DNAH14: variants seen among roughly 807,000 people sequenced by gnomAD.
DNAH14 encodes the protein axonemal beta dynein heavy chain 14.
In DNAH14, 478 loss-of-function variants were observed where a neutral mutation model predicts 520.9. The observed-to-expected ratio is 0.92, with a 90% CI of 0.85 to 0.99. The LOEUF (loss-of-function observed/expected upper bound fraction) is 0.99, where lower values mean the gene tolerates loss of function less well. Ranked by LOEUF, DNAH14 falls within the 50% of genes least tolerant of loss-of-function variation. The pLI is 0.00. For missense variants in DNAH14, 4,831 were observed against 5,234.5 expected (o/e 0.92, Z 2.38); for synonymous variants, 1,581 against 1,757.2 (o/e 0.90, Z 2.51).
At chr1:225,108,094 G>C (rs576660600) in intron 23 of DNAH14, among the ~76,000 whole-genome samples, 10 of 152,286 alleles carry the variant, frequency 6.6e-5, no homozygotes, top group Non-Finnish European at 1.5e-5. Context: ...TACCAGTGCT[G>C]CTAGGATAAA....
At chr1:225,101,617 T>G (rs2075465366) in intron 23 of DNAH14, among the ~76,000 whole-genome samples, 1 of 152,188 alleles carries the variant, frequency 6.6e-6, no homozygotes, top group South Asian at 2.1e-4. Context: ...GAACTTTGTG[T>G]TTTTGTGCCT....
intron 17 of DNAH14, among the ~76,000 whole-genome samples, chr1:225,054,655 T>G (rs1448604222): frequency 6.6e-6 from 1 of 152,152 alleles, no homozygotes; most frequent in Non-Finnish European, 1.5e-5. Flanking sequence ...TTTTCCTACA[T>G]ATAGTTAGCT....
chr1:225,165,578 G>T (rs1285526792), intron 35 of DNAH14, among the ~76,000 whole-genome samples: 7 of 149,694 alleles, frequency 4.7e-5, no homozygotes, highest in Non-Finnish European at 8.9e-5. Flanking sequence ...TGTTTGGTTG[G>T]TTGGTTGGTT....
intron 55 of DNAH14, among the ~76,000 whole-genome samples, chr1:225,294,454 A>G (rs1214229051): frequency 1.3e-5 from 2 of 152,154 alleles, no homozygotes; most frequent in Non-Finnish European, 2.9e-5. Flanking sequence ...GACCTCATAG[A>G]ATGAGTAAGG....
At chr1:225,258,689 T>C (rs2092825504) in intron 45 of DNAH14, among the ~76,000 whole-genome samples, 1 of 152,172 alleles carries the variant, frequency 6.6e-6, no homozygotes, top group African/African-American at 2.4e-5. Context: ...CCTCTAATTT[T>C]GTCTAAGAAA....
intron 43 of DNAH14, among the ~76,000 whole-genome samples, chr1:225,249,442 A>G (rs915232238): frequency 1.3e-5 from 2 of 152,142 alleles, no homozygotes; most frequent in Admixed American, 1.3e-4. Context: ...TTTGGGATGG[A>G]CAGTAATAAA....
intron 41 of DNAH14, among the ~76,000 whole-genome samples, chr1:225,210,482 C>T (rs753289106): frequency 6.6e-5 from 10 of 152,202 alleles, no homozygotes; most frequent in Non-Finnish European, 1.5e-4. Flanking sequence ...CTGGGCAGGG[C>T]ATTTCTGAAA....
At chr1:225,277,724 CTG>C (rs1468848370) in intron 54 of DNAH14, among the ~76,000 whole-genome samples, 6 of 152,178 alleles carry the variant, frequency 3.9e-5, no homozygotes, top group African/African-American at 1.4e-4. Flanking sequence ...GTGAATAAAA[CTG>C]CACCATTTCT....
At chr1:225,275,186 A>G (rs1347875019) in intron 52 of DNAH14, among the ~76,000 whole-genome samples, 1 of 152,204 alleles carries the variant, frequency 6.6e-6, no homozygotes, top group Non-Finnish European at 1.5e-5. Flanking sequence ...GCCATTTGCG[A>G]AACAAACATC....
In DNAH14 at chr1:225,337,341, C is replaced by T; in HGVS notation, c.10156C>T (p.Gln3386Ter). 6.4e-7 allele frequency: 1 copy of T among 1,551,614 alleles called. No homozygotes were observed. Among genetic ancestry groups the T allele is most frequent in the African/African-American group, 1.4e-5 (1 of 73,120 alleles). ...GAATGCCATCTTGATCAAGAATGGC[C>T]AGCAGTGGCCACTGCTGATTGACCC... ...VENAILIKNG[Q>*]QWPLLIDPHR... Residue 3386 changes from glutamine (Q) to a stop codon, truncating the protein, a stop_gained, in exon 67 of 86, where the codon CAG becomes TAG. Transcript: ENST00000682510. LOFTEE classifies it high-confidence loss of function.
At chr1:225,075,143 G>A (rs1050755601) in intron 17 of DNAH14, among the ~76,000 whole-genome samples, 3 of 152,180 alleles carry the variant, frequency 2.0e-5, no homozygotes, top group Admixed American at 2.0e-4. Context: ...GGGTTCACAA[G>A]GGGTTCTCCT....
chr1:224,950,176 T>A (rs1385247738), intron 1 of DNAH14, among the ~76,000 whole-genome samples: 1 of 152,198 alleles, frequency 6.6e-6, no homozygotes, highest in Non-Finnish European at 1.5e-5. Context: ...AAAATTTTGT[T>A]CTGTGTTCAT....
chr1:225,335,339 ATGTGTG>A, intron 66 of DNAH14, among the ~76,000 whole-genome samples: 1 of 86,726 alleles, frequency 1.2e-5, no homozygotes, highest in Non-Finnish European at 2.2e-5. Flanking sequence ...ACGTGTGTAC[ATGTGTG>A]TGTATATGCA....
rs147196915 is a variant in DNAH14 at position 225,112,365 on chromosome 1, G to C, written c.3868-5319G>C. 1.2e-3 allele frequency among the ~76,000 whole-genome samples: 181 copies of C among 152,056 alleles called. 1 individual carries two copies. Among genetic ancestry groups the C allele is most frequent in the Middle Eastern group, 0.01 (3 of 294 alleles). ...ATTGGAGTTCCATTGTGTTTTATTT[G>C]TTTCTTTCCTCTTGCTACTTTTAGG... On this transcript the variant is annotated intron_variant, in intron 23 of 85. Coordinates refer to ENST00000682510, the MANE Select transcript of DNAH14 (RefSeq NM_001367479.1).
rs867390828 is a variant in DNAH14 at position 225,188,977 on chromosome 1, G to A, written c.5670+3552G>A. 2.5e-4 allele frequency among the ~76,000 whole-genome samples: 38 copies of A among 151,902 alleles called. 1 individual carries two copies. The Middle Eastern group carries it at 0.01, about 41-fold the overall frequency. On this transcript the variant is annotated intron_variant, in intron 37 of 85. Coordinates refer to ENST00000682510, the MANE Select transcript of DNAH14 (RefSeq NM_001367479.1). ...TTTCAGTCTTTCTCCAATTGAGTAT[G>A]GTGCTGAGTTTGATAAATACCCCTT... is the stretch of plus-strand genomic sequence containing the variant.
rs532310499 is a variant in DNAH14, at chr1:225,252,046, G to A, written c.6749-255G>A. ...CACATGGTAATAATCAAAACTTTGG[G>A]GTAAGATTTCAAGGAATATCAGATC... On this transcript the variant is annotated intron_variant, in intron 43 of 85. Transcript: ENST00000682510. 1.9e-4 allele frequency among the ~76,000 whole-genome samples: 29 copies of A among 152,186 alleles called. 1 individual carries two copies. Among genetic ancestry groups the A allele is most frequent in the African/African-American group, 7.0e-4 (29 of 41,538 alleles).
At chr1:225,082,320 T>C (rs3105561) in intron 19 of DNAH14, among the ~76,000 whole-genome samples, 121,187 of 151,916 alleles carry the variant, frequency 0.8, 51,697 homozygotes, top group Non-Finnish European at 0.96. Context: ...GATAGTTGGG[T>C]TTTAGTCACC....
intron 54 of DNAH14, among the ~76,000 whole-genome samples, chr1:225,283,401 T>C (rs12408521): frequency 0.13 from 19,940 of 148,806 alleles, 1,505 homozygotes; most frequent in East Asian, 0.33. Flanking sequence ...TCAGGCAAAG[T>C]AGACTTTCAG....
rs1296354835 is a variant in DNAH14 at position 225,152,716 on chromosome 1, C to G, written c.5029C>G (p.Leu1677Val). 6.5e-7 allele frequency: 1 copy of G among 1,549,470 alleles called. No homozygotes were observed. Among genetic ancestry groups the G allele is most frequent in the Non-Finnish European group, 8.7e-7 (1 of 1,146,146 alleles). ...MNPRYGGGVELPDNLKSLFRP... is the reference protein window; with the variant it reads ...MNPRYGGGVEVPDNLKSLFRP... ...CTTCAGATACGGAGGTGGAGTAGAG[C>G]TCCCAGATAACTTAAAATCTCTGTT... Residue 1677 changes from leucine (L) to valine (V), a missense_variant, in exon 33 of 86, where the codon CTC becomes GTC. Transcript: ENST00000682510.
Sources: allele counts gnomAD v4.1 joint callset (sites outside exome capture counted in the v4.1 genomes callset), GRCh38; gene constraint gnomAD v4.1.1; transcripts MANE v1.5; gene names NCBI Gene and HGNC (gene_info 2026-07-23, HGNC 2026-07-21).